The following PHF24 variants were observed in gnomAD, a reference collection of about 807,000 sequenced individuals.
PHF24 encodes Galpha inhibitory interacting protein.
PHF24 carries 25 observed loss-of-function variants against 42.6 expected under a neutral mutation model. That is an observed-to-expected ratio of 0.59 (90% confidence interval 0.43 to 0.82). The LOEUF (loss-of-function observed/expected upper bound fraction) is 0.82. Among genes scored for constraint, PHF24 ranks in the 40% least tolerant of loss-of-function variants. PHF24 has a pLI of 0.00. For missense variants in PHF24, 470 were observed against 538.1 expected, an observed-to-expected ratio of 0.87 and a Z score of 1.25; for synonymous variants, 185 against 204.8, an observed-to-expected ratio of 0.90 and a Z score of 0.83.
At chr9:34,786,471 T>A in the PHF24 span, among the ~76,000 whole-genome samples, 2 of 152,306 alleles carry the variant, frequency 1.3e-5, no homozygotes, top group Middle Eastern at 6.8e-3. Context: ...CCATGGGGAC[T>A]CTTTCAGAGC....
At chr9:34,691,669 CTGG>C in the PHF24 span, among the ~76,000 whole-genome samples, 1 of 152,152 alleles carries the variant, frequency 6.6e-6, no homozygotes, top group South Asian at 2.1e-4. Context: ...CTTTCTTGGG[CTGG>C]TGGTGAAGAA....
the PHF24 span, among the ~76,000 whole-genome samples, chr9:34,931,367 C>A: frequency 1.1e-5 from 1 of 95,226 alleles, no homozygotes. Flanking sequence ...CAGAGCAAGA[C>A]TCTGTATCAA....
At chr9:34,837,737 A>G in the PHF24 span, 1 of 1,363,368 alleles carries the variant, frequency 7.3e-7, no homozygotes, top group Admixed American at 2.0e-5. Context: ...AAGCTGGGAC[A>G]CCATTTTCTT....
the PHF24 span, among the ~76,000 whole-genome samples, chr9:34,879,937 G>T: frequency 6.6e-6 from 1 of 152,058 alleles, no homozygotes; most frequent in Non-Finnish European, 1.5e-5. Flanking sequence ...AAAATATTAA[G>T]GGTAGCCAGA....
chr9:34,672,743 A>G, the PHF24 span, among the ~76,000 whole-genome samples: 2 of 152,106 alleles, frequency 1.3e-5, no homozygotes, highest in African/African-American at 4.8e-5. Context: ...CCCAATCACT[A>G]CTTAAAGGCC....
the PHF24 span, among the ~76,000 whole-genome samples, chr9:34,740,685 C>T: frequency 6.6e-6 from 1 of 152,252 alleles, no homozygotes; most frequent in Admixed American, 6.5e-5. Context: ...GGGGTTCCCA[C>T]AGTGCAGTGG....
At chr9:34,911,011 A>G in the PHF24 span, among the ~76,000 whole-genome samples, 1 of 151,980 alleles carries the variant, frequency 6.6e-6, no homozygotes, top group Non-Finnish European at 1.5e-5. Context: ...TTTAGTAAAG[A>G]CGAGATCTCA....
the PHF24 span, among the ~76,000 whole-genome samples, chr9:34,888,856 A>G: frequency 1.3e-5 from 2 of 152,192 alleles, no homozygotes; most frequent in Non-Finnish European, 2.9e-5. Flanking sequence ...TTTTCTTTCA[A>G]TGCACCTAAA....
the PHF24 span, among the ~76,000 whole-genome samples, chr9:34,939,141 G>A: frequency 2.6e-5 from 4 of 152,038 alleles, no homozygotes; most frequent in African/African-American, 7.3e-5. Context: ...CTCACCGGCC[G>A]TGGTGGCGCA....
the PHF24 span, chr9:34,665,659 T>G: frequency 1.4e-6 from 1 of 699,458 alleles, no homozygotes. Context: ...ATTCCCGACA[T>G]GTCCTGGGCT....
chr9:34,977,234 G>A, exon 6 of PHF24: 1 of 1,607,730 alleles, frequency 6.2e-7, no homozygotes, highest in South Asian at 1.1e-5. Context: ...GCTCCTTCCT[G>A]CAGTGTCAGG....
chr9:34,751,126 A>G, the PHF24 span, among the ~76,000 whole-genome samples: 1 of 152,194 alleles, frequency 6.6e-6, no homozygotes, highest in East Asian at 1.9e-4. Flanking sequence ...GCACTTTGGG[A>G]GGCCGAGGAG....
chr9:34,819,478 C>T, the PHF24 span, among the ~76,000 whole-genome samples: 3 of 151,650 alleles, frequency 2.0e-5, no homozygotes, highest in African/African-American at 7.3e-5. Context: ...AGCTACATAC[C>T]GCAATTTTTG....
chr9:34,839,705 A>T, the PHF24 span, among the ~76,000 whole-genome samples: 1 of 152,224 alleles, frequency 6.6e-6, no homozygotes. Context: ...TGTCAAGGGT[A>T]CAAGGACTTT....
the PHF24 span, among the ~76,000 whole-genome samples, chr9:34,772,270 C>T: frequency 3.6e-3 from 544 of 152,244 alleles, 7 homozygotes; most frequent in Middle Eastern, 0.037. Flanking sequence ...TTAGAGATAT[C>T]GAAGGCTTTA....
chr9:34,704,452 A>C, the PHF24 span, among the ~76,000 whole-genome samples: 1 of 151,884 alleles, frequency 6.6e-6, no homozygotes, highest in African/African-American at 2.4e-5. Flanking sequence ...AACACTGACA[A>C]GTGGGAGTCA....
At chr9:34,890,915 A>G in the PHF24 span, among the ~76,000 whole-genome samples, 3 of 152,286 alleles carry the variant, frequency 2.0e-5, no homozygotes, top group East Asian at 3.9e-4. Context: ...CACAAGCTTC[A>G]TTGGTGTTTT....
chr9:34,798,369 C>T, the PHF24 span, among the ~76,000 whole-genome samples: 7 of 152,186 alleles, frequency 4.6e-5, no homozygotes, highest in African/African-American at 1.7e-4. Flanking sequence ...CCCTCTCCCT[C>T]CCTCCTGCTT....
intron 7 of PHF24, 114 bp from the exon 8 acceptor site, chr9:34,977,901 G>T (rs1827259589): frequency 1.2e-6 from 1 of 849,480 alleles, no homozygotes; most frequent in Non-Finnish European, 2.0e-6. Context: ...GCTGCCCCTG[G>T]GATCAGGGCT....
Sources: gnomAD v4.1 joint callset for allele counts (sites outside exome capture counted in the v4.1 genomes callset) on GRCh38, gnomAD v4.1.1 for gene constraint, MANE v1.5 for transcripts, NCBI Gene and HGNC (gene_info 2026-07-23, HGNC 2026-07-21) for gene names.